The following CRACR2A variants were observed in gnomAD, a reference collection of about 807,000 sequenced individuals.
The protein encoded by CRACR2A is calcium release activated channel regulator 2A.
Under a neutral mutation model 90.5 loss-of-function variants are expected in CRACR2A, and 79 were observed. The ratio of observed to expected loss-of-function variants is 0.87; its 90% CI spans 0.73 to 1.05. The LOEUF is 1.05. Ranked by LOEUF, CRACR2A falls within the 50% of genes least tolerant of loss-of-function variation. CRACR2A has a pLI of 0.00. For synonymous variants in CRACR2A, 338 were observed against 356.7 expected (o/e 0.95, Z 0.59); for missense variants, 823 against 897.2 (o/e 0.92, Z 1.06).
rs748117980 is a variant in CRACR2A at position 3,659,609 on chromosome 12, C to A, written c.717G>T (p.Glu239Asp). Residue 239 changes from glutamate (E) to aspartate (D), a missense_variant, in exon 8 of 20, where the codon GAG (glutamate) becomes GAT (aspartate). Glu to Asp is a conservative substitution (Grantham distance 45). Transcript: ENST00000440314. Reference protein sequence around the residue: ...YDEEIQHLYEEMEQQIKSEKE... With the variant: ...YDEEIQHLYEDMEQQIKSEKE... ...TCTCACTTTTGATTTGTTGTTCCATCTCCTCATAGAGATGCTGGATTTCTT... is the reference window on the plus strand; with the variant it reads ...TCTCACTTTTGATTTGTTGTTCCATATCCTCATAGAGATGCTGGATTTCTT... The A allele has an allele frequency of 6.2e-7, 1 of 1,614,190 alleles. No homozygotes were observed. Among genetic ancestry groups the A allele is most frequent in the East Asian group, 2.2e-5 (1 of 44,884 alleles).
Position 3,746,280 on chromosome 12 carries a change from A to C in CRACR2A, c.-387+6735T>G, listed in dbSNP as rs1946624305. ...GAGGTGAGGACTTTAGGAGGTGATTAGGTTTAGATGAGGTCATGAGGGTGG... is the reference window on the plus strand; with the variant it reads ...GAGGTGAGGACTTTAGGAGGTGATTCGGTTTAGATGAGGTCATGAGGGTGG... On this transcript the variant is annotated intron_variant, in intron 1 of 19. Transcript: ENST00000440314. This position sits in a 1 kb window ranked among gnomAD's most constrained non-coding sequence, Gnocchi z 4.4. Among the ~76,000 whole-genome samples, 1 of 152,006 alleles carries C rather than the reference A, an allele frequency of 6.6e-6. No homozygotes were observed. The highest frequency in any genetic ancestry group is 6.5e-5 in the Admixed American group (1 of 15,270).
intron 2 of CRACR2A, among the ~76,000 whole-genome samples, chr12:3,715,973 C>T (rs186285282): frequency 6.6e-6 from 1 of 152,148 alleles, no homozygotes; most frequent in East Asian, 1.9e-4. Context: ...TCCCACCAAA[C>T]CTCTCTTGAA....
intron 17 of CRACR2A, among the ~76,000 whole-genome samples, chr12:3,623,995 G>C (rs1040980470): frequency 2.0e-5 from 3 of 152,190 alleles, no homozygotes; most frequent in Non-Finnish European, 2.9e-5. Context: ...GGCCAGGAGG[G>C]AGCATTTGGT....
At chr12:3,749,453 A>G (rs1057184304) in intron 1 of CRACR2A, among the ~76,000 whole-genome samples, 4 of 152,170 alleles carry the variant, frequency 2.6e-5, no homozygotes, top group African/African-American at 9.6e-5. Flanking sequence ...GGTTCTGCCC[A>G]TGCCACTGAG....
At chr12:3,726,051 C>T (rs1565503379) in intron 2 of CRACR2A, 1 of 152,096 alleles carries the variant, frequency 6.6e-6, no homozygotes, top group Non-Finnish European at 1.5e-5. Context: ...ATTTTTGTAA[C>T]AAATATTTAG....
At chr12:3,625,588 T>C (rs1290702829) in intron 17 of CRACR2A, among the ~76,000 whole-genome samples, 2 of 148,346 alleles carry the variant, frequency 1.3e-5, no homozygotes, top group Non-Finnish European at 3.0e-5. Context: ...GGCCTTCCCT[T>C]TCTTCACTTT....
chr12:3,724,142 C>T (rs182245026), intron 2 of CRACR2A, among the ~76,000 whole-genome samples: 129 of 152,246 alleles, frequency 8.5e-4, no homozygotes, highest in African/African-American at 2.3e-3. Flanking sequence ...TCTTGTCAGG[C>T]GGCGTTTAAT....
At chr12:3,646,441 G>A (rs1944689114) in intron 11 of CRACR2A, among the ~76,000 whole-genome samples, 2 of 152,232 alleles carry the variant, frequency 1.3e-5, no homozygotes, top group Admixed American at 1.3e-4. Flanking sequence ...GCTCCGCTAA[G>A]TGTGTTGTAA....
chr12:3,646,168 G>A (rs1944683326), intron 11 of CRACR2A, among the ~76,000 whole-genome samples: 1 of 152,248 alleles, frequency 6.6e-6, no homozygotes, highest in Non-Finnish European at 1.5e-5. Flanking sequence ...AGGAGCAGTT[G>A]GGAAAGTGAG....
chr12:3,709,518 C>T (rs1171327334), intron 3 of CRACR2A, among the ~76,000 whole-genome samples: 1 of 152,248 alleles, frequency 6.6e-6, no homozygotes, highest in African/African-American at 2.4e-5. Flanking sequence ...TGGCTCACGC[C>T]TGTAATCCCA....
In CRACR2A at chr12:3,733,030, C is replaced by G. The variant is rs1272719168; in HGVS notation, c.-206G>C. On this transcript the variant is annotated 5_prime_UTR_variant, in exon 2 of 20. Transcript: ENST00000440314. ...ATTCTCCTGGCACTCCTGCTGAATC[C>G]CAGCGCTCTGGATCCGGCTCCTGCA... The G allele has an allele frequency of 1.3e-5, 2 of 152,358 alleles. No individual in the cohort carries two copies. The highest frequency in any genetic ancestry group is 1.3e-4 in the Admixed American group (2 of 15,286). The allele number at this position is 152,358 out of a possible 1,614,324, so 9.4% of individuals were successfully genotyped here. A position where few individuals can be genotyped will look rare whatever the true frequency, so the allele number is the denominator to read the frequency against.
intron 8 of CRACR2A, among the ~76,000 whole-genome samples, chr12:3,657,813 G>T (rs377599532): frequency 2.6e-5 from 4 of 152,146 alleles, no homozygotes; most frequent in Admixed American, 6.5e-5. Flanking sequence ...CTCACAATGC[G>T]CCAGGACAGG....
At chr12:3,664,482 G>A (rs978963106) in intron 7 of CRACR2A, among the ~76,000 whole-genome samples, 5 of 151,920 alleles carry the variant, frequency 3.3e-5, no homozygotes, top group African/African-American at 1.2e-4. Flanking sequence ...TCTGCCTTAT[G>A]TGTCTTCCTG....
In CRACR2A at chr12:3,745,781, A is replaced by AAAAT. The variant is rs1165971311; in HGVS notation, c.-387+7230_-387+7233dup. On this transcript the variant is annotated intron_variant, in intron 1 of 19. Transcript: ENST00000440314. ...CAACAAGAACAAAACTTCGTCTCAA[A>AAAAT]AAATAAAATAAAATAAAATAAAATA... Among the ~76,000 whole-genome samples, 23 of 14,524 alleles carry AAAAT rather than the reference A, an allele frequency of 1.6e-3. No individual in the cohort carries two copies. The East Asian group carries it at 0.043, about 27-fold the overall frequency. 9.5% of individuals were successfully genotyped at this position (14,524 alleles called of 152,430 possible).
At chr12:3,658,820 CT>C (rs144416045) in intron 8 of CRACR2A, among the ~76,000 whole-genome samples, 13,345 of 145,434 alleles carry the variant, frequency 0.092, 785 homozygotes, top group Non-Finnish European at 0.13. Flanking sequence ...TTCTCTGAAG[CT>C]TTTTTTTTTT....
At chr12:3,700,677 C>G (rs1215042628) in intron 3 of CRACR2A, among the ~76,000 whole-genome samples, 2 of 152,208 alleles carry the variant, frequency 1.3e-5, no homozygotes, top group Non-Finnish European at 2.9e-5. Flanking sequence ...ATGCTAAACA[C>G]TTATGTGTCT....
chr12:3,688,569 C>A (rs778023331), intron 4 of CRACR2A, among the ~76,000 whole-genome samples: 1 of 152,064 alleles, frequency 6.6e-6, no homozygotes, highest in Non-Finnish European at 1.5e-5. Context: ...TGTGTCAGTA[C>A]CATGCTGTTT....
In CRACR2A at chr12:3,673,630, T is replaced by C. The variant is rs71583723; in HGVS notation, c.525-38A>G. 2,548 of 1,603,824 alleles carry C rather than the reference T, an allele frequency of 1.6e-3. 1 individual carries two copies. The highest frequency in any genetic ancestry group is 2.0e-3 in the Non-Finnish European group (2,307 of 1,176,752). ...GGACGCTCATGTGGAAGTGTGGAGATGAGGCTTCACGGGAAATACAGAGGT... is the reference window on the plus strand; with the variant it reads ...GGACGCTCATGTGGAAGTGTGGAGACGAGGCTTCACGGGAAATACAGAGGT... On this transcript the variant is annotated intron_variant, in intron 6 of 19. Coordinates refer to ENST00000440314, the MANE Select transcript of CRACR2A (RefSeq NM_001144958.2).
intron 3 of CRACR2A, among the ~76,000 whole-genome samples, chr12:3,697,631 G>A (rs190444679): frequency 6.6e-6 from 1 of 152,314 alleles, no homozygotes; most frequent in African/African-American, 2.4e-5. Flanking sequence ...AGGGTGGAAA[G>A]CTCTCCTCAG....
Sources: allele counts gnomAD v4.1 joint callset (sites outside exome capture counted in the v4.1 genomes callset), GRCh38; gene constraint gnomAD v4.1.1; non-coding constraint Gnocchi (gnomAD v3.1); transcripts MANE v1.5; gene names NCBI Gene and HGNC (gene_info 2026-07-23, HGNC 2026-07-21).